The following TOX3 variants were observed in gnomAD, a reference collection of about 807,000 sequenced individuals.
TOX3 encodes CAG trinucleotide repeat-containing gene F9 protein.
A neutral mutation model predicts 64.3 loss-of-function variants in TOX3; 22 were observed. The ratio of observed to expected loss-of-function variants is 0.34; its 90% confidence interval spans 0.24 to 0.49. The LOEUF (loss-of-function observed/expected upper bound fraction) is 0.49. Among genes scored for constraint, TOX3 ranks in the 20% least tolerant of loss-of-function variants. TOX3 has a pLI of 0.99. For synonymous variants in TOX3, 291 were observed against 273.6 expected, an observed-to-expected ratio of 1.06 and a Z score of -0.63; for missense variants, 661 against 714.4, an observed-to-expected ratio of 0.93 and a Z score of 0.85.
At chr16:52,487,954 A>C (rs1961575670) in intron 1 of TOX3, among the ~76,000 whole-genome samples, 1 of 152,190 alleles carries the variant, frequency 6.6e-6, no homozygotes. Flanking sequence ...ATGTCTAAAA[A>C]AATGAAACTG....
rs200998313 is a variant in TOX3, at chr16:52,439,419, G to A, written c.1537C>T (p.Arg513Cys). The change falls in exon 7 of 7, where the codon CGC becomes TGC. Residue 513 changes from arginine (R) to cysteine (C), a missense_variant. This residue lies in a region of TOX3 where 299 missense variants were observed against 292.1 expected (regional missense o/e 1.02). Transcript: ENST00000219746. ...QQQLQQQLQQ[R>C]LQLQQLQHMQ... Reference sequence around the variant, plus strand: ...TGTTGCAGCTGCTGCAGCTGGAGGCGCTGCTGCAGCTGCTGCTGCAGCTGC... The same window carrying A: ...TGTTGCAGCTGCTGCAGCTGGAGGCACTGCTGCAGCTGCTGCTGCAGCTGC... 5.8e-3 allele frequency: 9,009 copies of A among 1,546,754 alleles called. 33 individuals carry two copies. Among genetic ancestry groups the A allele is most frequent in the Non-Finnish European group, 7.2e-3 (8,140 of 1,137,790 alleles).
At chr16:52,509,792 C>A (rs1186788759) in intron 1 of TOX3, among the ~76,000 whole-genome samples, 2 of 152,162 alleles carry the variant, frequency 1.3e-5, no homozygotes, top group African/African-American at 4.8e-5. Flanking sequence ...AACAAACAGG[C>A]TTACAGCATA....
intron 4 of TOX3, among the ~76,000 whole-genome samples, chr16:52,449,671 G>A (rs1295893357): frequency 6.6e-6 from 1 of 152,216 alleles, no homozygotes; most frequent in Non-Finnish European, 1.5e-5. Context: ...TAATTAATAA[G>A]TGACTAATGA....
At chr16:52,539,308 A>G (rs746494533) in intron 1 of TOX3, among the ~76,000 whole-genome samples, 2 of 152,172 alleles carry the variant, frequency 1.3e-5, no homozygotes, top group African/African-American at 2.4e-5. Context: ...CTCCTTGTTT[A>G]TGTCATTGTT....
chr16:52,465,873 C>T (rs1960849821), intron 2 of TOX3, among the ~76,000 whole-genome samples: 1 of 152,108 alleles, frequency 6.6e-6, no homozygotes, highest in African/African-American at 2.4e-5. Flanking sequence ...TTCAAAACAT[C>T]GTAGCAGAAT....
intron 1 of TOX3, among the ~76,000 whole-genome samples, chr16:52,532,500 T>A (rs1161622724): frequency 6.6e-6 from 1 of 152,216 alleles, no homozygotes; most frequent in Non-Finnish European, 1.5e-5. Flanking sequence ...AAACCCTCCC[T>A]GCCAATCTGC....
At position 52,546,892 on chromosome 16, in the gene TOX3, C is replaced by A; in HGVS notation, c.-169G>T. 1 of 1,151,482 alleles carries A rather than the reference C, an allele frequency of 8.7e-7. No homozygotes were observed. Among genetic ancestry groups the A allele is most frequent in the Non-Finnish European group, 1.1e-6 (1 of 937,116 alleles). The allele number at this position is 1,151,482 out of a possible 1,614,324, so 71.3% of individuals were successfully genotyped here. ...GCCCGAGGAGCTCGGGAGCCGCGGC[C>A]GCCGCACACAAAGGCGCGGCCACGC... On this transcript the variant is annotated 5_prime_UTR_variant, in exon 1 of 7. Transcript: ENST00000219746.
chr16:52,449,856 G>A (rs907950049), intron 4 of TOX3, among the ~76,000 whole-genome samples: 6 of 152,232 alleles, frequency 3.9e-5, no homozygotes, highest in Admixed American at 6.5e-5. Context: ...CACCGAAGCC[G>A]CAAGGCTGTC....
intron 1 of TOX3, among the ~76,000 whole-genome samples, chr16:52,510,918 G>A (rs1962292127): frequency 6.6e-6 from 1 of 152,074 alleles, no homozygotes; most frequent in South Asian, 2.1e-4. Context: ...AATTTTGGAT[G>A]CCACTATGCT....
At position 52,438,643 on chromosome 16, in the gene TOX3, A is replaced by AT. The variant is rs922489810; in HGVS notation, c.*581dup. On this transcript the variant is annotated 3_prime_UTR_variant, in exon 7 of 7. Coordinates refer to ENST00000219746, the MANE Select transcript of TOX3 (RefSeq NM_001080430.4). ...TCAATAATTGAATTTAGTCACTTGC[A>AT]TTTTTTTTCTGGAGAGATTTAGGAA... 5 of 183,974 alleles carry AT rather than the reference A, an allele frequency of 2.7e-5. No individual in the cohort carries two copies. The highest frequency in any genetic ancestry group is 2.2e-4 in the South Asian group (2 of 8,940). 11.4% of individuals were successfully genotyped at this position (183,974 alleles called of 1,614,324 possible). A position where few individuals can be genotyped will look rare whatever the true frequency, so the allele number is the denominator to read the frequency against.
chr16:52,489,624 G>A (rs967508431), intron 1 of TOX3, among the ~76,000 whole-genome samples: 1 of 152,026 alleles, frequency 6.6e-6, no homozygotes, highest in Non-Finnish European at 1.5e-5. Context: ...ATGTCCCAAT[G>A]CATCAACCAC....
At chr16:52,445,935 G>T (rs1184774179) in intron 5 of TOX3, 59 bp downstream of exon 5, 3 of 1,487,418 alleles carry the variant, frequency 2.0e-6, no homozygotes, top group Non-Finnish European at 1.9e-6. Flanking sequence ...AAAGGTGTGA[G>T]GAATATTTTA....
At chr16:52,441,283 G>T (rs923335406) in intron 6 of TOX3, among the ~76,000 whole-genome samples, 1 of 152,034 alleles carries the variant, frequency 6.6e-6, no homozygotes, top group Non-Finnish European at 1.5e-5. Context: ...AACCATTATT[G>T]GTTTCCTCAG....
intron 1 of TOX3, among the ~76,000 whole-genome samples, chr16:52,540,636 G>A (rs186898535): frequency 2.4e-4 from 37 of 152,214 alleles, no homozygotes; most frequent in African/African-American, 8.2e-4. Context: ...TAAGATAAAA[G>A]AGACGGTCTA....
intron 1 of TOX3, among the ~76,000 whole-genome samples, chr16:52,504,442 A>AGGTGATAG (rs1962100931): frequency 7.3e-6 from 1 of 136,374 alleles, no homozygotes; most frequent in South Asian, 2.5e-4. Context: ...ACTCCAGCCT[A>AGGTGATAG]GGTGATAGAG....
chr16:52,453,821 TG>T (rs1960434949), intron 3 of TOX3, among the ~76,000 whole-genome samples: 1 of 152,238 alleles, frequency 6.6e-6, no homozygotes, highest in Non-Finnish European at 1.5e-5. Flanking sequence ...GAATTCCATC[TG>T]CAATTTATGC....
At chr16:52,540,251 G>A (rs534381580) in intron 1 of TOX3, among the ~76,000 whole-genome samples, 10 of 149,624 alleles carry the variant, frequency 6.7e-5, no homozygotes, top group South Asian at 2.2e-4. Flanking sequence ...CAAGCATAGC[G>A]AACACACACC....
At chr16:52,491,461 T>C (rs937008173) in intron 1 of TOX3, among the ~76,000 whole-genome samples, 3 of 152,228 alleles carry the variant, frequency 2.0e-5, no homozygotes, top group African/African-American at 7.2e-5. Flanking sequence ...AGTAATGTTT[T>C]ATTTCATTTA....
At position 52,523,456 on chromosome 16, in the gene TOX3, T is replaced by C. The variant is rs45565432; in HGVS notation, c.87+23181A>G. ...ACCTAGCTTACTTATTTTTCTCAAA[T>C]AGCCATCGACATCTAGTTGTTTTGA... is the stretch of plus-strand genomic sequence containing the variant. On this transcript the variant is annotated intron_variant, in intron 1 of 6. Transcript: ENST00000219746. Among the ~76,000 whole-genome samples the C allele has an allele frequency of 8.7e-3, 1,327 of 152,248 alleles. 9 individuals are homozygous for C. Among genetic ancestry groups the C allele is most frequent in the Non-Finnish European group, 0.014 (920 of 68,018 alleles).
Sources: allele counts gnomAD v4.1 joint callset (sites outside exome capture counted in the v4.1 genomes callset), GRCh38; gene constraint gnomAD v4.1.1; regional missense constraint gnomAD v4.1.1; transcripts MANE v1.5; gene names NCBI Gene and HGNC (gene_info 2026-07-23, HGNC 2026-07-21).